The following GET4 variants were observed in gnomAD, a reference collection of about 807,000 sequenced individuals.
GET4 encodes the protein Golgi to ER traffic protein 4 homolog.
GET4 carries 20 observed loss-of-function variants against 40.0 expected under a neutral mutation model. The ratio of observed to expected loss-of-function variants is 0.50; its 90% CI spans 0.35 to 0.73. The LOEUF (loss-of-function observed/expected upper bound fraction) is 0.73, where lower values mean the gene tolerates loss of function less well. GET4 is among the 30% of genes least tolerant of loss of function. The probability of loss-of-function intolerance (pLI) is 0.01; values close to 1 mark genes in which losing one functional copy is unlikely to be tolerated. For missense variants in GET4, 557 were observed against 454.0 expected, an observed-to-expected ratio of 1.23 and a Z score of -2.06; for synonymous variants, 280 against 194.6, an observed-to-expected ratio of 1.44 and a Z score of -3.65.
rs564369048 is a variant in GET4 at position 879,834 on chromosome 7, C to G, written c.155+3034C>G. 5 of 152,322 alleles carry G rather than the reference C, an allele frequency of 3.3e-5. No individual in the cohort carries two copies. In the South Asian group the frequency reaches 1.0e-3, roughly 32 times the overall value. 9.4% of individuals were successfully genotyped at this position (152,322 alleles called of 1,614,324 possible). A position where few individuals can be genotyped will look rare whatever the true frequency, so the allele number is the denominator to read the frequency against. On this transcript the variant is annotated intron_variant, in intron 1 of 8. Coordinates refer to ENST00000265857, the MANE Select transcript of GET4 (RefSeq NM_015949.3). ...AATGCCAGTTGAATTTGTCACTGAA[C>G]ATTTAGCAGCTCCCAAATGGCACGG... is the stretch of plus-strand genomic sequence containing the variant.
At chr7:886,529 G>A in intron 2 of GET4, 40 bp from the exon 3 acceptor site, 1 of 1,467,142 alleles carries the variant, frequency 6.8e-7, no homozygotes, top group Non-Finnish European at 9.6e-7. Flanking sequence ...AACAGGTCAG[G>A]GCTTTGTTCT....
intron 6 of GET4, 46 bp downstream of exon 6, chr7:892,464 G>A (rs1353018041): frequency 1.9e-6 from 3 of 1,573,056 alleles, no homozygotes; most frequent in Non-Finnish European, 2.6e-6. Context: ...GAATGTGCGG[G>A]TTGTGTGTAG....
intron 1 of GET4, chr7:881,722 G>T (rs572423800): frequency 5.3e-5 from 8 of 152,140 alleles, no homozygotes; most frequent in Non-Finnish European, 7.3e-5. Flanking sequence ...TGCAGGCTTG[G>T]TATATAGGTA....
chr7:895,389 C>T lies in GET4; in HGVS notation c.951C>T (p.Ser317=). The T allele has an allele frequency of 6.3e-7, 1 of 1,595,858 alleles. No homozygotes were observed. The change falls in exon 9 of 9, where the codon AGC becomes AGT. Residue 317 remains serine, a synonymous_variant. Coordinates refer to ENST00000265857, the MANE Select transcript of GET4 (RefSeq NM_015949.3). ...GSSEQEDGEE[S]PSDGSPIELD ...CAGAGCAGGAGGATGGGGAGGAGAG[C>T]CCCAGCGACGGCAGCCCCATCGAGC...
chr7:893,212 G>A (rs1356062055), intron 6 of GET4, among the ~76,000 whole-genome samples: 1 of 147,514 alleles, frequency 6.8e-6, no homozygotes, highest in Non-Finnish European at 1.5e-5. Flanking sequence ...GGTGTGTGCA[G>A]GTGAGTGTTG....
intron 6 of GET4, among the ~76,000 whole-genome samples, chr7:892,625 A>G (rs1445530871): frequency 1.7e-5 from 2 of 118,394 alleles, no homozygotes; most frequent in African/African-American, 2.9e-5. Flanking sequence ...TAGTGCGGGT[A>G]GCTGTGTGGG....
intron 1 of GET4, 115 bp downstream of exon 1, chr7:876,915 A>AGCTGGACCCAGGGGCCGC (rs1437552530): frequency 2.3e-6 from 1 of 436,026 alleles, no homozygotes; most frequent in Non-Finnish European, 3.1e-6. Flanking sequence ...CGCGGGGGCG[A>AGCTGGACCCAGGGGCCGC]GCTGGACCCA....
chr7:893,051 G>GGTGTGGGCGTGGTGGTGT (rs1305799182), intron 6 of GET4, among the ~76,000 whole-genome samples: 2 of 148,978 alleles, frequency 1.3e-5, no homozygotes, highest in Non-Finnish European at 3.0e-5. Flanking sequence ...GTGAGTGTTG[G>GGTGTGGGCGTGGTGGTGT]GTGTGGGCGT....
At chr7:887,841 G>A (rs1844224880) in intron 4 of GET4, among the ~76,000 whole-genome samples, 1 of 152,176 alleles carries the variant, frequency 6.6e-6, no homozygotes, top group Non-Finnish European at 1.5e-5. Flanking sequence ...TCCAGCGCTG[G>A]GATGGTGCTG....
intron 1 of GET4, among the ~76,000 whole-genome samples, chr7:878,888 T>G (rs1844023969): frequency 6.6e-6 from 1 of 152,144 alleles, no homozygotes; most frequent in Non-Finnish European, 1.5e-5. Flanking sequence ...CAGTAGACTT[T>G]ACTTTTTAGA....
chr7:876,728 G>A lies in GET4; in HGVS notation c.83G>A (p.Gly28Asp), dbSNP rs2128625519. The change falls in exon 1 of 9, where the codon GGC becomes GAC. Residue 28 changes from glycine to aspartate, a missense_variant. Gly to Asp is a moderately conservative substitution (Grantham distance 94, BLOSUM62 -1). Transcript: ENST00000265857. ...CGCGGCGGCGTCCAGCGTGTGGAGGGCAAGCTGCGCGCCAGCGTCGAGAAG... is the reference window on the plus strand; with the variant it reads ...CGCGGCGGCGTCCAGCGTGTGGAGGACAAGCTGCGCGCCAGCGTCGAGAAG... Reference protein sequence around the residue: ...RNRGGVQRVEGKLRASVEKGD... With the variant: ...RNRGGVQRVEDKLRASVEKGD... 2.9e-6 allele frequency: 4 copies of A among 1,378,684 alleles called. No homozygotes were observed. The highest frequency in any genetic ancestry group is 2.8e-5 in the Admixed American group (1 of 36,014). The allele number at this position is 1,378,684 out of a possible 1,614,324, so 85.4% of individuals were successfully genotyped here.
In GET4 at chr7:876,690, C is replaced by T; in HGVS notation, c.45C>T (p.Asn15=). 7.4e-7 allele frequency: 1 copy of T among 1,349,330 alleles called. No homozygotes were observed. The highest frequency in any genetic ancestry group is 3.6e-5 in the East Asian group (1 of 28,086). 83.6% of individuals were successfully genotyped at this position (1,349,330 alleles called of 1,614,324 possible). ...AAMAEQESAR[N]GGRNRGGVQR... The stretch of plus-strand genomic sequence containing the variant: ...TGGCCGAGCAGGAGAGCGCCCGGAA[C>T]GGCGGCCGCAACCGCGGCGGCGTCC... The change falls in exon 1 of 9, where the codon AAC becomes AAT. Residue 15 remains asparagine, a synonymous_variant. Transcript: ENST00000265857.
At chr7:876,952 T>A (rs1843967242) in intron 1 of GET4, 152 bp downstream of exon 1, 1 of 238,020 alleles carries the variant, frequency 4.2e-6, no homozygotes, top group Admixed American at 6.4e-5. Context: ...CGGCGGAGGG[T>A]CTGGGCCGCG....
rs867552701 is a variant in GET4 at position 895,783 on chromosome 7, C to T, written c.*361C>T. 3.1e-4 allele frequency: 51 copies of T among 167,142 alleles called. No individual in the cohort carries two copies. Among genetic ancestry groups the T allele is most frequent in the African/African-American group, 1.2e-3 (51 of 42,148 alleles). 10.4% of individuals were successfully genotyped at this position (167,142 alleles called of 1,614,324 possible). A position where few individuals can be genotyped will look rare whatever the true frequency, so the allele number is the denominator to read the frequency against. ...TCCTCGGGGGGCTGCGCACATCACGCTCCTTGCCGGGCGTCCGGCACAGCT... is the reference window on the plus strand; with the variant it reads ...TCCTCGGGGGGCTGCGCACATCACGTTCCTTGCCGGGCGTCCGGCACAGCT... On this transcript the variant is annotated 3_prime_UTR_variant, in exon 9 of 9. Transcript: ENST00000265857.
intron 5 of GET4, among the ~76,000 whole-genome samples, chr7:891,983 C>G (rs1844334111): frequency 6.6e-6 from 1 of 152,206 alleles, no homozygotes; most frequent in African/African-American, 2.4e-5. Flanking sequence ...TGCGGGCGGC[C>G]TCAGGAGAGG....
chr7:895,242 G>A (rs188850463), intron 8 of GET4, 92 bp from the exon 9 acceptor site: 10 of 669,844 alleles, frequency 1.5e-5, no homozygotes, highest in African/African-American at 1.1e-4. Context: ...ATGGGACACT[G>A]GGACACCTTG....
rs1218511566 is a variant in GET4 at position 895,747 on chromosome 7, C to T, written c.*325C>T. ...CTTTCGGGAGGGCTGATGGGCAGCA[C>T]AGGAGGCCCGTCCTCGGGGGGCTGC... On this transcript the variant is annotated 3_prime_UTR_variant, in exon 9 of 9. Transcript: ENST00000265857. 1 of 193,506 alleles carries T rather than the reference C, an allele frequency of 5.2e-6. No individual in the cohort carries two copies. The highest frequency in any genetic ancestry group is 2.3e-5 in the African/African-American group (1 of 42,918). 12.0% of individuals were successfully genotyped at this position (193,506 alleles called of 1,614,324 possible). A position where few individuals can be genotyped will look rare whatever the true frequency, so the allele number is the denominator to read the frequency against.
At chr7:894,470 G>A (rs1844424741) in intron 8 of GET4, among the ~76,000 whole-genome samples, 1 of 152,146 alleles carries the variant, frequency 6.6e-6, no homozygotes. Context: ...TTTAGTGGGA[G>A]GTGTGAGGTG....
intron 5 of GET4, among the ~76,000 whole-genome samples, chr7:891,450 G>A (rs369437191): frequency 8.5e-5 from 13 of 152,100 alleles, no homozygotes; most frequent in Non-Finnish European, 1.3e-4. Flanking sequence ...TCGCTGGGGC[G>A]TCCTGCAGGC....
Sources: allele counts gnomAD v4.1 joint callset (sites outside exome capture counted in the v4.1 genomes callset), GRCh38; gene constraint gnomAD v4.1.1; transcripts MANE v1.5; gene names NCBI Gene and HGNC (gene_info 2026-07-23, HGNC 2026-07-21).